Variants in GLIS3 observed in about 807,000 individuals in gnomAD.
GLIS3 encodes zinc finger protein GLIS3.
Under a neutral mutation model 78.6 loss-of-function variants are expected in GLIS3, and 53 were observed. The observed-to-expected ratio is 0.67, with a 90% CI of 0.54 to 0.85. The LOEUF is 0.85. Ranked by LOEUF, GLIS3 falls within the 40% of genes least tolerant of loss-of-function variation. The probability of loss-of-function intolerance (pLI) is 0.00; values close to 1 mark genes in which losing one functional copy is unlikely to be tolerated. For missense variants in GLIS3, 1,703 were observed against 1,231.1 expected, an observed-to-expected ratio of 1.38 and a Z score of -5.74; for synonymous variants, 684 against 509.9, an observed-to-expected ratio of 1.34 and a Z score of -4.60.
intron 2 of GLIS3, among the ~76,000 whole-genome samples, chr9:4,249,901 G>T (rs1824188255): frequency 2.0e-5 from 3 of 152,190 alleles, no homozygotes; most frequent in Admixed American, 2.0e-4. Context: ...CATAGGTTCT[G>T]TTTATGTGAT....
At chr9:3,853,117 T>A (rs1819538199) in intron 9 of GLIS3, among the ~76,000 whole-genome samples, 1 of 152,104 alleles carries the variant, frequency 6.6e-6, no homozygotes, top group South Asian at 2.1e-4. Context: ...GAGGCTAAAA[T>A]AAGACTGAAC....
chr9:4,064,019 A>C (rs562009018), intron 4 of GLIS3, among the ~76,000 whole-genome samples: 1 of 152,304 alleles, frequency 6.6e-6, no homozygotes, highest in South Asian at 2.1e-4. Context: ...TTTTTTTTCA[A>C]CTCTGAAATG....
At chr9:4,133,825 TACACACACACACACACACACAC>T (rs138728219) in intron 2 of GLIS3, among the ~76,000 whole-genome samples, 50,351 of 121,664 alleles carry the variant, frequency 0.41, 8,824 homozygotes, top group East Asian at 0.6. Context: ...CAAGACCTTC[TACACACACACACACACACACAC>T]ACACACACAC....
At chr9:4,406,421 A>C in the GLIS3 span, among the ~76,000 whole-genome samples, 23 of 152,258 alleles carry the variant, frequency 1.5e-4, no homozygotes, top group African/African-American at 5.3e-4. Context: ...CCCAGGTTCC[A>C]GCGATTCTCC....
chr9:3,951,151 A>G (rs536616347), intron 4 of GLIS3, among the ~76,000 whole-genome samples: 15 of 152,360 alleles, frequency 9.8e-5, no homozygotes, highest in African/African-American at 3.6e-4. Context: ...GAGATGAATA[A>G]ATAGCTTCAC....
intron 4 of GLIS3, among the ~76,000 whole-genome samples, chr9:4,059,910 A>C (rs1327470051): frequency 6.7e-6 from 1 of 150,344 alleles, no homozygotes; most frequent in Admixed American, 6.7e-5. Context: ...AAATAAAAAA[A>C]TCTATGATTT....
At chr9:4,044,852 C>T (rs1368040531) in intron 4 of GLIS3, among the ~76,000 whole-genome samples, 3 of 151,948 alleles carry the variant, frequency 2.0e-5, no homozygotes, top group African/African-American at 7.2e-5. Context: ...TTCCAGACAC[C>T]ATCTTGAAAG....
At position 3,828,159 on chromosome 9, in the gene GLIS3, AG is replaced by A; in HGVS notation, c.*112del. On this transcript the variant is annotated 3_prime_UTR_variant, in exon 11 of 11. Coordinates refer to ENST00000381971, the MANE Select transcript of GLIS3 (RefSeq NM_001042413.2). ...TCTGAAAGAACATCAGTAACTCTGCAGGGCCCGCTGATTGGGCTGACATCCT... is the reference window on the plus strand; with the variant it reads ...TCTGAAAGAACATCAGTAACTCTGCAGGCCCGCTGATTGGGCTGACATCCT... 8.1e-7 allele frequency: 1 copy of A among 1,235,816 alleles called. No individual in the cohort carries two copies. Among genetic ancestry groups the A allele is most frequent in the South Asian group, 1.2e-5 (1 of 81,500 alleles). The allele number at this position is 1,235,816 out of a possible 1,614,324, so 76.6% of individuals were successfully genotyped here.
At chr9:4,319,494 T>G (rs1371898187) in intron 2 of GLIS3, among the ~76,000 whole-genome samples, 2 of 152,126 alleles carry the variant, frequency 1.3e-5, no homozygotes, top group Admixed American at 6.6e-5. Context: ...GTTTTAAAAT[T>G]TATTGTGTAA....
intron 4 of GLIS3, among the ~76,000 whole-genome samples, chr9:3,950,712 C>T (rs150300147): frequency 7.2e-5 from 11 of 152,178 alleles, no homozygotes; most frequent in Non-Finnish European, 1.2e-4. Context: ...AACGTGAGTC[C>T]GCTAGGACAG....
At chr9:3,861,906 C>T (rs540752944) in intron 8 of GLIS3, among the ~76,000 whole-genome samples, 5 of 152,156 alleles carry the variant, frequency 3.3e-5, no homozygotes, top group East Asian at 1.9e-4. Flanking sequence ...TGTAACAAAC[C>T]GGCACATCCT....
intron 2 of GLIS3, among the ~76,000 whole-genome samples, chr9:4,334,676 G>A (rs1426192161): frequency 6.6e-6 from 1 of 151,932 alleles, no homozygotes; most frequent in African/African-American, 2.4e-5. Context: ...TGCTTTGCCT[G>A]TCTTCTCCTT....
intron 8 of GLIS3, among the ~76,000 whole-genome samples, chr9:3,866,939 G>A (rs1391642545): frequency 2.0e-5 from 3 of 152,202 alleles, no homozygotes; most frequent in Non-Finnish European, 1.5e-5. Flanking sequence ...ATTTGCTTAA[G>A]ATGGGAGGGG....
the GLIS3 span, among the ~76,000 whole-genome samples, chr9:4,480,495 C>T: frequency 6.6e-6 from 1 of 151,884 alleles, no homozygotes. Flanking sequence ...GCCACCATGC[C>T]CAGCCAAGCT....
At chr9:3,993,617 C>A (rs1820507786) in intron 4 of GLIS3, among the ~76,000 whole-genome samples, 1 of 152,144 alleles carries the variant, frequency 6.6e-6, no homozygotes, top group African/African-American at 2.4e-5. Context: ...TGAATGTCCA[C>A]ATATGCCTAC....
In GLIS3 at chr9:4,118,593, C is replaced by T. The variant is rs780336568; in HGVS notation, c.885G>A (p.Ser295=). Residue 295 remains serine (S), a synonymous_variant, in exon 4 of 11, where the codon TCG becomes TCA. Coordinates refer to ENST00000381971, the MANE Select transcript of GLIS3 (RefSeq NM_001042413.2). This position sits in a 1 kb window ranked among gnomAD's most constrained non-coding sequence, Gnocchi z 4.7. ...ACAGCGCTCTCTTCTTGGAGCGGGCCGAGTGGGACCTGGTGGATGAGTGCC... is the reference window on the plus strand; with the variant it reads ...ACAGCGCTCTCTTCTTGGAGCGGGCTGAGTGGGACCTGGTGGATGAGTGCC... ...SPRHSSTRSH[S]ARSKKRALSL... The T allele has an allele frequency of 6.2e-7, 1 of 1,614,166 alleles. No homozygotes were observed. Among genetic ancestry groups the T allele is most frequent in the East Asian group, 2.2e-5 (1 of 44,870 alleles).
chr9:3,854,562 A>T (rs1203045179), intron 9 of GLIS3, among the ~76,000 whole-genome samples: 3 of 149,316 alleles, frequency 2.0e-5, no homozygotes, highest in South Asian at 2.1e-4. Flanking sequence ...TTTGAGACAG[A>T]GTCTCGCTCT....
chr9:4,053,705 T>TAAAAAAAAAAAAAAAAAAAAAA (rs760535978), intron 4 of GLIS3, among the ~76,000 whole-genome samples: 17 of 91,140 alleles, frequency 1.9e-4, no homozygotes, highest in African/African-American at 5.0e-4. Flanking sequence ...TCTTTCTTCA[T>TAAAAAAAAAAAAAAAAAAAAAA]AAAAAAAAAA....
chr9:4,292,026 T>G (rs1413548927), intron 1 of GLIS3, among the ~76,000 whole-genome samples: 1 of 152,082 alleles, frequency 6.6e-6, no homozygotes, highest in Non-Finnish European at 1.5e-5. Context: ...TGGTCAGTTA[T>G]AAGAAATCAC....
Sources: allele counts gnomAD v4.1 joint callset (sites outside exome capture counted in the v4.1 genomes callset), GRCh38; gene constraint gnomAD v4.1.1; non-coding constraint Gnocchi (gnomAD v3.1); transcripts MANE v1.5; gene names NCBI Gene and HGNC (gene_info 2026-07-23, HGNC 2026-07-21).